NCOA3: variants seen among roughly 807,000 people sequenced by gnomAD.
NCOA3 encodes the protein CBP-interacting protein.
In NCOA3, 51 loss-of-function variants were observed where a neutral mutation model predicts 158.8. The observed-to-expected ratio is 0.32, with a 90% CI of 0.26 to 0.41. The LOEUF (loss-of-function observed/expected upper bound fraction) is 0.41, where lower values mean the gene tolerates loss of function less well. Among genes scored for constraint, NCOA3 ranks in the 10% least tolerant of loss-of-function variants. The pLI is 1.00. For missense variants in NCOA3, 1,510 were observed against 1,746.6 expected, an observed-to-expected ratio of 0.86 and a Z score of 2.41; for synonymous variants, 537 against 592.4, an observed-to-expected ratio of 0.91 and a Z score of 1.36.
intron 1 of NCOA3, among the ~76,000 whole-genome samples, chr20:47,580,807 A>C (rs2085440942): frequency 6.6e-6 from 1 of 152,122 alleles, no homozygotes; most frequent in South Asian, 2.1e-4. Flanking sequence ...CAAGTTAAAA[A>C]ACATAACATT....
intron 1 of NCOA3, among the ~76,000 whole-genome samples, chr20:47,552,008 T>C (rs987024851): frequency 6.6e-6 from 1 of 152,256 alleles, no homozygotes; most frequent in African/African-American, 2.4e-5. Context: ...TTGGCCCTTT[T>C]GCTGAGGATG....
At chr20:47,650,874 C>T (rs2086773875) in intron 19 of NCOA3, 108 bp from the exon 20 acceptor site, 1 of 1,059,368 alleles carries the variant, frequency 9.4e-7, no homozygotes. Context: ...AAAAAGAAGG[C>T]CCTGGGTGTT....
intron 1 of NCOA3, among the ~76,000 whole-genome samples, chr20:47,542,132 G>A (rs796907655): frequency 4.7e-5 from 7 of 148,762 alleles, no homozygotes; most frequent in African/African-American, 1.7e-4. Flanking sequence ...GTTGGCTCAA[G>A]CGATCCTCCC....
chr20:47,525,975 C>T (rs917459958), intron 1 of NCOA3, among the ~76,000 whole-genome samples: 34 of 146,672 alleles, frequency 2.3e-4, no homozygotes, highest in African/African-American at 8.5e-4. Context: ...AAGGTGGCTG[C>T]TGGGCGGAGA....
At chr20:47,564,111 A>G (rs756157320) in intron 1 of NCOA3, among the ~76,000 whole-genome samples, 1 of 151,816 alleles carries the variant, frequency 6.6e-6, no homozygotes, top group African/African-American at 2.4e-5. Context: ...GCAGTGAGCC[A>G]TGTACTCCAT....
At chr20:47,646,864 A>T (rs949348263) in intron 17 of NCOA3, among the ~76,000 whole-genome samples, 7 of 152,190 alleles carry the variant, frequency 4.6e-5, no homozygotes, top group African/African-American at 1.7e-4. Flanking sequence ...TCTTCTTCAG[A>T]ATATCAACTT....
At chr20:47,638,816 T>G (rs2086557549) in intron 13 of NCOA3, among the ~76,000 whole-genome samples, 192 bp from the exon 14 acceptor site, 1 of 141,468 alleles carries the variant, frequency 7.1e-6, no homozygotes, top group African/African-American at 2.6e-5. Flanking sequence ...AGACCCTTTT[T>G]TGGCTGGCAG....
intron 2 of NCOA3, among the ~76,000 whole-genome samples, chr20:47,592,217 G>T (rs1484286658): frequency 6.6e-6 from 1 of 151,964 alleles, no homozygotes; most frequent in Non-Finnish European, 1.5e-5. Flanking sequence ...AATTTTTTTT[G>T]TATTTTTAGT....
At chr20:47,570,080 T>C (rs1158603745) in intron 1 of NCOA3, among the ~76,000 whole-genome samples, 2 of 152,230 alleles carry the variant, frequency 1.3e-5, no homozygotes, top group Non-Finnish European at 1.5e-5. Flanking sequence ...CTAAGTCTTT[T>C]TTTATGATTT....
intron 8 of NCOA3, among the ~76,000 whole-genome samples, chr20:47,629,738 C>T (rs1326402508): frequency 2.6e-5 from 4 of 152,184 alleles, no homozygotes; most frequent in Non-Finnish European, 4.4e-5. Context: ...GAGTCTTTCT[C>T]TGCACCTCTT....
At chr20:47,511,493 GATAT>G (rs1411350365) in intron 1 of NCOA3, among the ~76,000 whole-genome samples, 4 of 88,848 alleles carry the variant, frequency 4.5e-5, no homozygotes, top group African/African-American at 1.6e-4. Context: ...TGGCTATATA[GATAT>G]ATAGCTGAGA....
At chr20:47,559,424 A>C (rs1941940166) in intron 1 of NCOA3, among the ~76,000 whole-genome samples, 1 of 152,148 alleles carries the variant, frequency 6.6e-6, no homozygotes, top group African/African-American at 2.4e-5. Context: ...GCAGCTTCTT[A>C]GATGAGGGCA....
chr20:47,606,741 C>A (rs1426076326), intron 2 of NCOA3, among the ~76,000 whole-genome samples: 1 of 152,182 alleles, frequency 6.6e-6, no homozygotes, highest in African/African-American at 2.4e-5. Flanking sequence ...ACCATTTTTA[C>A]TTGGATGAGT....
At chr20:47,582,357 G>A (rs1206872) in intron 1 of NCOA3, among the ~76,000 whole-genome samples, 2 of 151,922 alleles carry the variant, frequency 1.3e-5, no homozygotes, top group East Asian at 1.9e-4. Flanking sequence ...GACTACAGGC[G>A]CATGCCATCA....
intron 1 of NCOA3, among the ~76,000 whole-genome samples, chr20:47,525,206 C>A (rs1602344559): frequency 1.3e-5 from 2 of 151,612 alleles, no homozygotes; most frequent in African/African-American, 4.9e-5. Context: ...TCCATTCAAC[C>A]CTGAGTGGAC....
At chr20:47,512,156 A>C (rs1169442513) in intron 1 of NCOA3, among the ~76,000 whole-genome samples, 1 of 152,210 alleles carries the variant, frequency 6.6e-6, no homozygotes, top group Non-Finnish European at 1.5e-5. Flanking sequence ...CCTATGAAAA[A>C]AAAATAGGAA....
Position 47,623,969 on chromosome 20 carries a change from T to A in NCOA3, c.142T>A (p.Leu48Met). The A allele has an allele frequency of 6.2e-7, 1 of 1,613,688 alleles. No homozygotes were observed. Among genetic ancestry groups the A allele is most frequent in the Non-Finnish European group, 8.5e-7 (1 of 1,179,880 alleles). ...REQESKYIEE[L>M]AELISANLSD... The stretch of plus-strand genomic sequence containing the variant: ...GCAGGAAAGTAAATATATTGAAGAA[T>A]TGGCTGAGCTGATATCTGCCAATCT... The change falls in exon 4 of 23, where the codon TTG becomes ATG. Residue 48 changes from leucine to methionine, a missense_variant. Transcript: ENST00000371998.
At chr20:47,525,382 CT>C (rs2084412758) in intron 1 of NCOA3, among the ~76,000 whole-genome samples, 1 of 150,544 alleles carries the variant, frequency 6.6e-6, no homozygotes, top group Non-Finnish European at 1.5e-5. Context: ...TTTTCCCCAC[CT>C]TTCCCCCCTT....
intron 2 of NCOA3, among the ~76,000 whole-genome samples, chr20:47,599,562 A>AGAAT: frequency 6.6e-6 from 1 of 152,262 alleles, no homozygotes. Flanking sequence ...AAGCTGTTAA[A>AGAAT]GAATCTAGCT....
Sources: allele counts gnomAD v4.1 joint callset (sites outside exome capture counted in the v4.1 genomes callset), GRCh38; gene constraint gnomAD v4.1.1; transcripts MANE v1.5; gene names NCBI Gene and HGNC (gene_info 2026-07-23, HGNC 2026-07-21).